Variants in TRPC5OS observed in about 807,000 individuals in gnomAD.
TRPC5OS encodes putative uncharacterized protein TRPC5OS.
For missense variants in TRPC5OS, 64 were observed against 79.3 expected (o/e 0.81, Z 0.73); for synonymous variants, 30 against 29.3 (o/e 1.02, Z -0.08).
At chrX:111,878,271 C>T (rs1924051584) in intron 1 of TRPC5OS, among the ~76,000 whole-genome samples, 1 of 109,303 alleles carries the variant, frequency 9.1e-6, no homozygotes, top group Non-Finnish European at 1.9e-5. Flanking sequence ...AAAAATGCTC[C>T]TATAATACCC....
chrX:111,893,855 G>A (rs1324819053), intron 1 of TRPC5OS, among the ~76,000 whole-genome samples: 1 of 111,835 alleles, frequency 8.9e-6, no homozygotes, highest in African/African-American at 3.3e-5. Context: ...TTCAAAAAGA[G>A]TTTAAAGTGT....
At chrX:111,879,270 G>C (rs1365714479) in intron 1 of TRPC5OS, among the ~76,000 whole-genome samples, 2 of 112,183 alleles carry the variant, frequency 1.8e-5, no homozygotes, top group South Asian at 7.5e-4. Flanking sequence ...ATTCAGAGCA[G>C]AGAACTCAGG....
chrX:111,884,174 C>T (rs1924361411), intron 1 of TRPC5OS, among the ~76,000 whole-genome samples: 2 of 112,453 alleles, frequency 1.8e-5, no homozygotes, highest in African/African-American at 6.5e-5. Flanking sequence ...AAGGTACAGC[C>T]ACAGTGTAAG....
intron 3 of TRPC5OS, among the ~76,000 whole-genome samples, chrX:111,899,592 T>C (rs751007271): frequency 2.5e-4 from 28 of 110,712 alleles, no homozygotes; most frequent in African/African-American, 7.9e-4. Context: ...GAATGGGAAG[T>C]CAGAAGTTAA....
intron 1 of TRPC5OS, among the ~76,000 whole-genome samples, chrX:111,884,715 A>C (rs896622864): frequency 6.2e-5 from 7 of 113,269 alleles, no homozygotes; most frequent in Middle Eastern, 9.2e-3. Context: ...GTTAAAGACT[A>C]GCAAGGGCCA....
At position 111,902,117 on chromosome X, in the gene TRPC5OS, A is replaced by G. The variant is rs1458911360; in HGVS notation, c.268A>G (p.Met90Val). The G allele has an allele frequency of 6.9e-6, 8 of 1,151,463 alleles. No homozygotes were observed. In the East Asian group the frequency reaches 2.0e-4, roughly 28 times the overall value. The allele number at this position is 1,151,463 out of a possible 1,213,427, so 94.9% of individuals were successfully genotyped here. A position where few individuals can be genotyped will look rare whatever the true frequency, so the allele number is the denominator to read the frequency against. ...CCTAATATTTGATATAGATCAGGCT[A>G]TGTTAGACATGGATAACTTATATGA... ...EDLIFDIDQA[M>V]LDMDNLYEDT... Residue 90 changes from methionine (M) to valine (V), a missense_variant, in exon 4 of 4, where the codon ATG (methionine) becomes GTG (valine). By Grantham distance (21) the Met-to-Val change is conservative. Transcript: ENST00000635763.
chrX:111,886,791 G>A (rs780527435), intron 1 of TRPC5OS, among the ~76,000 whole-genome samples: 38 of 111,975 alleles, frequency 3.4e-4, no homozygotes, highest in Non-Finnish European at 6.4e-4. Context: ...CATTTCTGTC[G>A]CCTCCTGTGA....
chrX:111,895,140 A>C (rs1463236851), intron 1 of TRPC5OS, among the ~76,000 whole-genome samples: 1 of 111,777 alleles, frequency 8.9e-6, no homozygotes, highest in Non-Finnish European at 1.9e-5. Flanking sequence ...TTACCAGTTA[A>C]CAATTTCACC....
chrX:111,893,055 G>A (rs187729176), intron 1 of TRPC5OS, among the ~76,000 whole-genome samples: 24 of 107,909 alleles, frequency 2.2e-4, no homozygotes, highest in Admixed American at 2.1e-3. Context: ...TTAGTAAGTG[G>A]TGAAGTTGAA....
chrX:111,894,587 G>A (rs762240594), intron 1 of TRPC5OS, among the ~76,000 whole-genome samples: 1 of 111,190 alleles, frequency 9.0e-6, no homozygotes, highest in East Asian at 2.8e-4. Context: ...CAGGCCAAAG[G>A]GACACTGCCC....
At chrX:111,881,360 TAG>T (rs1466140975) in intron 1 of TRPC5OS, among the ~76,000 whole-genome samples, 1 of 109,946 alleles carries the variant, frequency 9.1e-6, no homozygotes, top group East Asian at 2.9e-4. Flanking sequence ...GTATTTTTAG[TAG>T]AGATGGGGTT....
rs1016800243 is a variant in TRPC5OS, at chrX:111,902,028, C to T, written c.179C>T (p.Ser60Leu). ...GATGCACCTCTTCCCGAGGAGCCTT[C>T]GCTACCTGATCTCCCTGATCTCTCA... The part of the protein sequence containing the change: ...EADAPLPEEP[S>L]LPDLPDLSDL... The change falls in exon 4 of 4, where the codon TCG becomes TTG. Residue 60 changes from serine (S) to leucine (L), a missense_variant. Ser to Leu is a moderately radical substitution (Grantham distance 145, BLOSUM62 -2). Coordinates refer to ENST00000635763, the MANE Select transcript of TRPC5OS (RefSeq NM_001195578.2). 1.3e-5 allele frequency: 15 copies of T among 1,153,697 alleles called. No homozygotes were observed. Among genetic ancestry groups the T allele is most frequent in the Middle Eastern group, 2.3e-4 (1 of 4,322 alleles).
At chrX:111,887,298 C>G (rs1382191647) in intron 1 of TRPC5OS, among the ~76,000 whole-genome samples, 1 of 112,408 alleles carries the variant, frequency 8.9e-6, no homozygotes, top group Non-Finnish European at 1.9e-5. Context: ...TGCTTTCTTT[C>G]TTTCTTGGAG....
At chrX:111,889,093 A>G (rs1924678022) in intron 1 of TRPC5OS, among the ~76,000 whole-genome samples, 1 of 112,300 alleles carries the variant, frequency 8.9e-6, no homozygotes, top group African/African-American at 3.2e-5. Context: ...AAGCTGGCTA[A>G]ATAAATTTGG....
intron 1 of TRPC5OS, among the ~76,000 whole-genome samples, chrX:111,880,962 A>G (rs1156301833): frequency 9.0e-6 from 1 of 111,440 alleles, no homozygotes; most frequent in Admixed American, 9.5e-5. Flanking sequence ...CATAGGTTCT[A>G]CAAATGCTCA....
At chrX:111,892,268 A>G (rs1924842087) in intron 1 of TRPC5OS, among the ~76,000 whole-genome samples, 1 of 112,451 alleles carries the variant, frequency 8.9e-6, no homozygotes, top group Admixed American at 9.4e-5. Flanking sequence ...TCTTATCCAA[A>G]TGATTCACAA....
chrX:111,885,609 T>G (rs1045278637), intron 1 of TRPC5OS, among the ~76,000 whole-genome samples: 16 of 110,255 alleles, frequency 1.5e-4, no homozygotes, highest in African/African-American at 5.3e-4. Context: ...TAAAACACAT[T>G]CATAACATTA....
chrX:111,885,410 G>A (rs1231743443), intron 1 of TRPC5OS, among the ~76,000 whole-genome samples: 1 of 111,363 alleles, frequency 9.0e-6, no homozygotes, highest in Non-Finnish European at 1.9e-5. Flanking sequence ...CTAATTAAAG[G>A]TTGGTCAAGA....
chrX:111,880,798 T>C (rs1381844852), intron 1 of TRPC5OS, among the ~76,000 whole-genome samples: 1 of 112,469 alleles, frequency 8.9e-6, no homozygotes, highest in East Asian at 2.8e-4. Flanking sequence ...ATGAAGCTAA[T>C]AGACAAGAAT....
Sources: allele counts gnomAD v4.1 joint callset (sites outside exome capture counted in the v4.1 genomes callset), GRCh38; gene constraint gnomAD v4.1.1; transcripts MANE v1.5; gene names NCBI Gene and HGNC (gene_info 2026-07-23, HGNC 2026-07-21).